The following GRHL2 variants were observed in gnomAD, a reference collection of about 807,000 sequenced individuals.
GRHL2 encodes the protein grainyhead-like protein 2 homolog.
In GRHL2, 21 loss-of-function variants were observed where a neutral mutation model predicts 83.8. That is an observed-to-expected ratio of 0.25 (90% CI 0.18 to 0.36). The LOEUF is 0.36. GRHL2 is among the 10% of genes least tolerant of loss of function. The pLI is 1.00. For synonymous variants in GRHL2, 280 were observed against 278.9 expected, an observed-to-expected ratio of 1.00 and a Z score of -0.04; for missense variants, 623 against 781.8, an observed-to-expected ratio of 0.80 and a Z score of 2.42.
intron 1 of GRHL2, among the ~76,000 whole-genome samples, chr8:101,498,802 G>C (rs10955254): frequency 6.6e-6 from 1 of 151,946 alleles, no homozygotes; most frequent in Non-Finnish European, 1.5e-5. Context: ...AAAGCCGGGC[G>C]TGGTGGCTCA....
chr8:101,500,731 G>A (rs891676756), intron 1 of GRHL2, among the ~76,000 whole-genome samples: 1 of 152,010 alleles, frequency 6.6e-6, no homozygotes, highest in Non-Finnish European at 1.5e-5. Context: ...GTCTTGTCTC[G>A]AACTCCTGAC....
intron 1 of GRHL2, among the ~76,000 whole-genome samples, chr8:101,531,137 G>C (rs1449796591): frequency 6.6e-6 from 1 of 151,684 alleles, no homozygotes; most frequent in Admixed American, 6.6e-5. Flanking sequence ...ACTTGAGCCT[G>C]GGAGGTTCAG....
chr8:101,566,918 T>C (rs1407182678), intron 4 of GRHL2, among the ~76,000 whole-genome samples: 1 of 152,144 alleles, frequency 6.6e-6, no homozygotes, highest in Non-Finnish European at 1.5e-5. Context: ...AGGGACCTAT[T>C]CTCCTTTTGT....
intron 2 of GRHL2, among the ~76,000 whole-genome samples, chr8:101,544,579 C>T (rs2130126505): frequency 6.6e-6 from 1 of 152,250 alleles, no homozygotes. Flanking sequence ...GATTTATTGC[C>T]TGCCTTGATT....
At chr8:101,647,965 TG>T (rs1813546726) in intron 13 of GRHL2, among the ~76,000 whole-genome samples, 1 of 152,154 alleles carries the variant, frequency 6.6e-6, no homozygotes, top group Non-Finnish European at 1.5e-5. Flanking sequence ...ATGGCTCTGT[TG>T]GTGTCTGAGT....
chr8:101,500,031 G>A (rs1275130704), intron 1 of GRHL2, among the ~76,000 whole-genome samples: 2 of 151,828 alleles, frequency 1.3e-5, no homozygotes, highest in South Asian at 2.1e-4. Context: ...AACCAAGATC[G>A]CACCACTGCA....
intron 2 of GRHL2, among the ~76,000 whole-genome samples, chr8:101,546,106 T>C (rs1811259867): frequency 1.3e-5 from 2 of 152,074 alleles, no homozygotes; most frequent in South Asian, 4.1e-4. Context: ...GGTCTCGATC[T>C]CTTGACCTCG....
chr8:101,592,102 T>TTC (rs1812297756), intron 7 of GRHL2, among the ~76,000 whole-genome samples: 1 of 126,592 alleles, frequency 7.9e-6, no homozygotes, highest in Admixed American at 7.6e-5. Flanking sequence ...TTTCTTTTCT[T>TTC]TTTTTTTTTT....
At chr8:101,622,339 A>C (rs186459974) in intron 9 of GRHL2, among the ~76,000 whole-genome samples, 53 of 152,292 alleles carry the variant, frequency 3.5e-4, no homozygotes, top group Admixed American at 3.5e-3. Context: ...AAATCCAGAG[A>C]ATATTTCTTC....
At chr8:101,528,224 A>AT (rs1374614499) in intron 1 of GRHL2, among the ~76,000 whole-genome samples, 1 of 151,998 alleles carries the variant, frequency 6.6e-6, no homozygotes, top group Admixed American at 6.5e-5. Flanking sequence ...TTGTCTTATG[A>AT]TTTTTTGTTT....
At chr8:101,582,885 T>G (rs951234114) in intron 7 of GRHL2, among the ~76,000 whole-genome samples, 1 of 152,208 alleles carries the variant, frequency 6.6e-6, no homozygotes, top group African/African-American at 2.4e-5. Flanking sequence ...TTTTTTATAC[T>G]GAGGTTTAAC....
intron 7 of GRHL2, among the ~76,000 whole-genome samples, chr8:101,581,673 G>A (rs1344310988): frequency 2.0e-5 from 3 of 152,190 alleles, no homozygotes; most frequent in African/African-American, 7.2e-5. Context: ...AAAGTTTACT[G>A]AACACCTACT....
chr8:101,532,627 G>A (rs2130086926), intron 1 of GRHL2, among the ~76,000 whole-genome samples: 1 of 152,152 alleles, frequency 6.6e-6, no homozygotes, highest in East Asian at 1.9e-4. Context: ...GCATGCACCT[G>A]CAATCCCAGC....
intron 1 of GRHL2, among the ~76,000 whole-genome samples, chr8:101,510,484 T>C (rs1022073965): frequency 4.6e-5 from 7 of 152,188 alleles, no homozygotes; most frequent in African/African-American, 7.2e-5. Context: ...TCTATACAAA[T>C]CCTTAGGCAT....
intron 2 of GRHL2, among the ~76,000 whole-genome samples, chr8:101,546,251 T>C (rs1369964942): frequency 3.9e-5 from 6 of 152,158 alleles, no homozygotes; most frequent in Non-Finnish European, 7.3e-5. Context: ...AGAAATATAT[T>C]GATTATATTT....
At chr8:101,573,864 GA>G in intron 6 of GRHL2, 40 bp downstream of exon 6, 1 of 1,608,828 alleles carries the variant, frequency 6.2e-7, no homozygotes, top group Non-Finnish European at 8.5e-7. Context: ...AAAGGAATCC[GA>G]TGAACGGAAT....
At chr8:101,597,486 AATACT>A (rs1292506258) in intron 7 of GRHL2, among the ~76,000 whole-genome samples, 6 of 152,144 alleles carry the variant, frequency 3.9e-5, no homozygotes, top group African/African-American at 1.4e-4. Context: ...TACACCATGG[AATACT>A]ATGCAGCCAT....
intron 1 of GRHL2, among the ~76,000 whole-genome samples, chr8:101,522,016 A>C (rs893376784): frequency 1.3e-5 from 2 of 152,220 alleles, no homozygotes; most frequent in African/African-American, 2.4e-5. Flanking sequence ...ATGGAGGAAG[A>C]AAACTTTGGT....
chr8:101,536,955 G>C (rs11783704), intron 1 of GRHL2, among the ~76,000 whole-genome samples: 65,287 of 150,398 alleles, frequency 0.43, 16,736 homozygotes, highest in Non-Finnish European at 0.57. Context: ...GTAGGCACCA[G>C]TGTCTGTTGT....
Sources: allele counts gnomAD v4.1 joint callset (sites outside exome capture counted in the v4.1 genomes callset), GRCh38; gene constraint gnomAD v4.1.1; transcripts MANE v1.5; gene names NCBI Gene and HGNC (gene_info 2026-07-23, HGNC 2026-07-21).